Variants in DLAT observed in about 807,000 individuals in gnomAD.
The protein encoded by DLAT is dihydrolipoamide S-acetyltransferase, also known as dihydrolipoyllysine-residue acetyltransferase component of pyruvate dehydrogenase complex, mitochondrial.
In DLAT, 43 loss-of-function variants were observed where a neutral mutation model predicts 68.0. That is an observed-to-expected ratio of 0.63 (90% CI 0.50 to 0.81). The LOEUF is 0.81. Ranked by LOEUF, DLAT falls within the 40% of genes least tolerant of loss-of-function variation. The probability of loss-of-function intolerance (pLI) is 0.00; values close to 1 mark genes in which losing one functional copy is unlikely to be tolerated. For missense variants in DLAT, 745 were observed against 815.4 expected, an observed-to-expected ratio of 0.91 and a Z score of 1.05; for synonymous variants, 265 against 288.6, an observed-to-expected ratio of 0.92 and a Z score of 0.83.
intron 5 of DLAT, among the ~76,000 whole-genome samples, chr11:112,036,206 T>TGG (rs1566617852): frequency 4.0e-4 from 18 of 44,562 alleles, no homozygotes; most frequent in African/African-American, 1.0e-3. Flanking sequence ...TGTGTGTTTT[T>TGG]TTTTTTTTTT....
At chr11:112,048,969 ATTTTTTTTTTTTTT>A (rs34651095) in intron 10 of DLAT, among the ~76,000 whole-genome samples, 41 of 93,670 alleles carry the variant, frequency 4.4e-4, no homozygotes, top group Non-Finnish European at 6.0e-4. Context: ...TTTTCTCAAG[ATTTTTTTTTTTTTT>A]TTTTTTTTTT....
chr11:112,037,775 A>AT (rs1862851667), intron 6 of DLAT, among the ~76,000 whole-genome samples: 1 of 86,194 alleles, frequency 1.2e-5, no homozygotes, highest in Non-Finnish European at 2.2e-5. Flanking sequence ...TCATTGCCCC[A>AT]CCCTTTTTTT....
rs587627462 is a variant in DLAT, at chr11:112,028,619, C to A, written c.486C>A (p.Ile162=). The A allele has an allele frequency of 6.2e-7, 1 of 1,613,998 alleles. No homozygotes were observed. The highest frequency in any genetic ancestry group is 8.5e-7 in the Non-Finnish European group (1 of 1,180,030). Residue 162 remains isoleucine, a synonymous_variant, in exon 3 of 14, where the codon ATC becomes ATA. Transcript: ENST00000280346. ...CCAGGGATGTTCCCATCGGAGCGAT[C>A]ATCTGTATCACAGTTGGCAAGTGAG... The part of the protein sequence containing the change: ...EGTRDVPIGA[I]ICITVGKPED...
intron 2 of DLAT, among the ~76,000 whole-genome samples, chr11:112,026,513 A>G (rs2137680971): frequency 6.6e-6 from 1 of 151,970 alleles, no homozygotes; most frequent in East Asian, 1.9e-4. Flanking sequence ...GAGATTAGGG[A>G]GTGGTGATGA....
At chr11:112,040,342 C>T (rs1423327159) in intron 7 of DLAT, among the ~76,000 whole-genome samples, 1 of 152,114 alleles carries the variant, frequency 6.6e-6, no homozygotes, top group Admixed American at 6.5e-5. Context: ...AATTATCATT[C>T]CTTATTTTCT....
intron 2 of DLAT, among the ~76,000 whole-genome samples, chr11:112,027,003 ACCTC>A (rs1242187857): frequency 6.9e-6 from 1 of 145,940 alleles, no homozygotes; most frequent in Non-Finnish European, 1.5e-5. Context: ...TGGCCCCACC[ACCTC>A]CCTCCCAGAC....
intron 2 of DLAT, among the ~76,000 whole-genome samples, chr11:112,026,876 T>G (rs1862052131): frequency 6.6e-6 from 1 of 151,930 alleles, no homozygotes; most frequent in Non-Finnish European, 1.5e-5. Context: ...GCTCCTCACT[T>G]CCCAGTAGGG....
Position 112,026,301 on chromosome 11 carries a change from T to C in DLAT, c.381+2T>C. 1 of 1,394,462 alleles carries C rather than the reference T, an allele frequency of 7.2e-7. No individual in the cohort carries two copies. The highest frequency in any genetic ancestry group is 9.5e-7 in the Non-Finnish European group (1 of 1,052,466). The allele number at this position is 1,394,462 out of a possible 1,614,324, so 86.4% of individuals were successfully genotyped here. ...AATGAAGGTGACCTAATTGCAGAGG[T>C]AAGTTTTTTTTTTTTTTTTTAATTA... On this transcript the variant is annotated splice_donor_variant, in intron 2 of 13. Coordinates refer to ENST00000280346, the MANE Select transcript of DLAT (RefSeq NM_001931.5). LOFTEE classifies it high-confidence loss of function.
chr11:112,046,694 C>G (rs1863338010), intron 10 of DLAT, among the ~76,000 whole-genome samples: 1 of 152,056 alleles, frequency 6.6e-6, no homozygotes, highest in Non-Finnish European at 1.5e-5. Flanking sequence ...TCAACTCCCA[C>G]TTACAAGTGA....
At chr11:112,055,510 C>T (rs1320891875) in intron 11 of DLAT, among the ~76,000 whole-genome samples, 4 of 152,042 alleles carry the variant, frequency 2.6e-5, no homozygotes, top group African/African-American at 9.7e-5. Flanking sequence ...TCCCAAAGTG[C>T]TGGGATTACA....
At chr11:112,036,693 C>T (rs1326316309) in intron 5 of DLAT, 1 of 152,596 alleles carries the variant, frequency 6.6e-6, no homozygotes, top group African/African-American at 2.4e-5. Flanking sequence ...TATAAGTTGT[C>T]AACACCATAG....
At chr11:112,036,208 T>TG (rs1862761157) in intron 5 of DLAT, among the ~76,000 whole-genome samples, 3 of 49,250 alleles carry the variant, frequency 6.1e-5, no homozygotes, top group African/African-American at 1.8e-4. Context: ...TGTGTTTTTT[T>TG]TTTTTTTTTT....
Position 112,025,670 on chromosome 11 carries a change from G to A in DLAT, c.198G>A (p.Gly66=). The change falls in exon 1 of 14, where the codon GGG becomes GGA. Residue 66 remains glycine (G), a synonymous_variant. Transcript: ENST00000280346. ...TGTGCGGCTGGACCCCCAGTTCTGG[G>A]GCCACGCCGCGGAACCGCTTACTGC... ...RALCGWTPSS[G]ATPRNRLLLQ... The A allele has an allele frequency of 6.2e-7, 1 of 1,613,116 alleles. No homozygotes were observed. The highest frequency in any genetic ancestry group is 2.2e-5 in the East Asian group (1 of 44,882).
At chr11:112,039,969 T>G (rs1290736318) in intron 7 of DLAT, among the ~76,000 whole-genome samples, 2 of 152,228 alleles carry the variant, frequency 1.3e-5, no homozygotes, top group African/African-American at 4.8e-5. Flanking sequence ...GTAATATGTT[T>G]TCCAGTGAAT....
chr11:112,048,145 G>A (rs1383811800), intron 10 of DLAT, among the ~76,000 whole-genome samples: 1 of 152,146 alleles, frequency 6.6e-6, no homozygotes, highest in East Asian at 1.9e-4. Flanking sequence ...TTATTTCCTT[G>A]AGCAGTGGTT....
intron 11 of DLAT, among the ~76,000 whole-genome samples, chr11:112,056,703 CTGAGTCATAGGGTAAAATTA>C (rs1864111721): frequency 6.6e-6 from 1 of 152,066 alleles, no homozygotes; most frequent in Non-Finnish European, 1.5e-5. Context: ...AGTGGAATAC[CTGAGTCATAGGGTAAAATTA>C]TGTTTAATTT....
intron 7 of DLAT, among the ~76,000 whole-genome samples, chr11:112,041,446 A>C (rs1476890617): frequency 3.3e-5 from 5 of 152,160 alleles, no homozygotes; most frequent in Non-Finnish European, 7.3e-5. Flanking sequence ...TGATGAGGTG[A>C]CATTTGATTT....
chr11:112,028,224 G>C (rs1862187225), intron 2 of DLAT, among the ~76,000 whole-genome samples: 1 of 151,984 alleles, frequency 6.6e-6, no homozygotes, highest in South Asian at 2.1e-4. Context: ...ACAAAGGCCA[G>C]GCTGGCCAAC....
intron 4 of DLAT, among the ~76,000 whole-genome samples, chr11:112,032,290 AAATTCTGTGTAAG>A (rs1332748642): frequency 6.6e-6 from 1 of 151,234 alleles, no homozygotes; most frequent in Non-Finnish European, 1.5e-5. Flanking sequence ...TTATCAAATA[AAATTCTGTGTAAG>A]AATTCTGTGT....
Sources: allele counts gnomAD v4.1 joint callset (sites outside exome capture counted in the v4.1 genomes callset), GRCh38; gene constraint gnomAD v4.1.1; transcripts MANE v1.5; gene names NCBI Gene and HGNC (gene_info 2026-07-23, HGNC 2026-07-21).